Variants in TOGARAM1 observed in about 807,000 individuals in gnomAD.
TOGARAM1 encodes the protein TOG array regulator of axonemal microtubules protein 1.
Under a neutral mutation model 166.6 loss-of-function variants are expected in TOGARAM1, and 100 were observed. The observed-to-expected ratio is 0.60, with a 90% CI of 0.51 to 0.71. TOGARAM1 has a LOEUF of 0.71. Among genes scored for constraint, TOGARAM1 ranks in the 30% least tolerant of loss-of-function variants. TOGARAM1 has a pLI of 0.00. For synonymous variants in TOGARAM1, 758 were observed against 763.8 expected (o/e 0.99, Z 0.13); for missense variants, 2,029 against 2,102.7 (o/e 0.96, Z 0.69).
intron 16 of TOGARAM1, among the ~76,000 whole-genome samples, chr14:45,055,938 T>C (rs1414194719): frequency 6.6e-6 from 1 of 151,234 alleles, no homozygotes; most frequent in Non-Finnish European, 1.5e-5. Flanking sequence ...GGTATTTTGA[T>C]AGGGATTGCA....
chr14:45,014,203 G>T (rs943010421), intron 7 of TOGARAM1, among the ~76,000 whole-genome samples: 1 of 151,828 alleles, frequency 6.6e-6, no homozygotes, highest in Non-Finnish European at 1.5e-5. Context: ...CTGCCACTAC[G>T]CCTGGCTAAT....
At chr14:44,984,644 G>A (rs1019153489) in intron 1 of TOGARAM1, among the ~76,000 whole-genome samples, 1 of 151,550 alleles carries the variant, frequency 6.6e-6, no homozygotes, top group African/African-American at 2.4e-5. Flanking sequence ...GCGTGGTAGT[G>A]AGTGCCTGTA....
chr14:44,962,592 C>A lies in TOGARAM1; in HGVS notation c.171C>A (p.His57Gln), dbSNP rs1235578957. ...ACTTCCGTGGAGCTGCGGGGGACCA[C>A]GGTTCCTGCCCCACTACAACTTCGC... Reference protein sequence around the residue: ...NYYFRGAAGDHGSCPTTTSPL... With the variant: ...NYYFRGAAGDQGSCPTTTSPL... Residue 57 changes from histidine to glutamine, a missense_variant, in exon 1 of 20, where the codon CAC becomes CAA. Around this residue, in one of 2 missense-constraint regions of TOGARAM1, gnomAD observed 1,453 missense variants for 1,432.2 expected, o/e 1.01. Coordinates refer to ENST00000361462, the MANE Select transcript of TOGARAM1 (RefSeq NM_001308120.2). The A allele has an allele frequency of 1.2e-5, 20 of 1,613,618 alleles. No individual in the cohort carries two copies. The highest frequency in any genetic ancestry group is 1.7e-5 in the Non-Finnish European group (20 of 1,179,632).
chr14:45,030,496 CT>C (rs1170610937), intron 10 of TOGARAM1, among the ~76,000 whole-genome samples: 2 of 151,610 alleles, frequency 1.3e-5, no homozygotes, highest in Non-Finnish European at 1.5e-5. Context: ...GATAATAGTG[CT>C]TTTTTTTATT....
In TOGARAM1 at chr14:44,962,290, G is replaced by A; in HGVS notation, c.-132G>A. 5 of 1,182,554 alleles carry A rather than the reference G, an allele frequency of 4.2e-6. No homozygotes were observed. Among genetic ancestry groups the A allele is most frequent in the Non-Finnish European group, 4.5e-6 (4 of 887,270 alleles). The allele number at this position is 1,182,554 out of a possible 1,614,324, so 73.3% of individuals were successfully genotyped here. ...GCCTCCCGGAGTTGGGGGCGGCCTGGCGGCAGGCTGAAGCTGTTCTTTTGC... is the reference window on the plus strand; with the variant it reads ...GCCTCCCGGAGTTGGGGGCGGCCTGACGGCAGGCTGAAGCTGTTCTTTTGC... On this transcript the variant is annotated 5_prime_UTR_variant, in exon 1 of 20. Transcript: ENST00000361462.
At chr14:45,041,575 AAGAC>A (rs1341979001) in intron 11 of TOGARAM1, among the ~76,000 whole-genome samples, 1 of 152,204 alleles carries the variant, frequency 6.6e-6, no homozygotes, top group African/African-American at 2.4e-5. Context: ...AAACCATACA[AAGAC>A]AGGAAGACTA....
chr14:45,061,243 C>A lies in TOGARAM1; in HGVS notation c.4560-5335C>A, dbSNP rs899467603. Among the ~76,000 whole-genome samples, 3 of 152,326 alleles carry A rather than the reference C, an allele frequency of 2.0e-5. No individual in the cohort carries two copies. The East Asian group carries it at 5.8e-4, about 29-fold the overall frequency. ...CCATTATTTCCCTCTTCAAATGGTTCTAGCTTTAGGAGCTCCCTCGGGTTG... is the reference window on the plus strand; with the variant it reads ...CCATTATTTCCCTCTTCAAATGGTTATAGCTTTAGGAGCTCCCTCGGGTTG... On this transcript the variant is annotated intron_variant, in intron 16 of 19. Coordinates refer to ENST00000361462, the MANE Select transcript of TOGARAM1 (RefSeq NM_001308120.2).
At chr14:45,039,926 T>C (rs895985624) in intron 11 of TOGARAM1, among the ~76,000 whole-genome samples, 3 of 152,140 alleles carry the variant, frequency 2.0e-5, no homozygotes, top group African/African-American at 7.2e-5. Context: ...ACAGCTGGTG[T>C]CTTCACAGCA....
intron 11 of TOGARAM1, among the ~76,000 whole-genome samples, chr14:45,040,831 G>C (rs1365516078): frequency 6.6e-6 from 1 of 152,092 alleles, no homozygotes; most frequent in Non-Finnish European, 1.5e-5. Flanking sequence ...TTGAGGCCAG[G>C]AGTTCAAGAC....
In TOGARAM1 at chr14:45,004,299, A is replaced by G. The variant is rs769249015; in HGVS notation, c.2577A>G (p.Leu859=). The change falls in exon 4 of 20, where the codon CTA becomes CTG. Residue 859 remains leucine (L), a synonymous_variant. Coordinates refer to ENST00000361462, the MANE Select transcript of TOGARAM1 (RefSeq NM_001308120.2). ...NSWPLKSFEG[L]SKPSPQKKLV... ...GGCCTCTTAAAAGCTTCGAAGGACT[A>G]TCAAAGCCAAGTCCACAGAAGAAGC... is the stretch of plus-strand genomic sequence containing the variant. 47 of 1,614,012 alleles carry G rather than the reference A, an allele frequency of 2.9e-5. No individual in the cohort carries two copies. The highest frequency in any genetic ancestry group is 3.6e-5 in the Non-Finnish European group (42 of 1,180,006).
chr14:44,999,242 C>T, intron 2 of TOGARAM1, 121 bp from the exon 3 acceptor site: 1 of 974,628 alleles, frequency 1.0e-6, no homozygotes, highest in Non-Finnish European at 1.4e-6. Flanking sequence ...GCCTACCTCA[C>T]TGTACTTAAA....
At chr14:44,971,494 C>T (rs1430436521) in intron 1 of TOGARAM1, among the ~76,000 whole-genome samples, 5 of 151,968 alleles carry the variant, frequency 3.3e-5, no homozygotes, top group African/African-American at 4.8e-5. Context: ...TCCAAGAACC[C>T]GAGTTTGTTT....
chr14:45,009,899 A>G (rs550057430), intron 6 of TOGARAM1, among the ~76,000 whole-genome samples: 1 of 152,292 alleles, frequency 6.6e-6, no homozygotes, highest in African/African-American at 2.4e-5. Context: ...TAGGGCATAG[A>G]ATAGATGTAT....
intron 1 of TOGARAM1, among the ~76,000 whole-genome samples, chr14:44,979,836 A>G (rs775089477): frequency 9.9e-5 from 15 of 152,196 alleles, no homozygotes; most frequent in Non-Finnish European, 2.1e-4. Context: ...ACAGGAGCTA[A>G]GGCTTCAAAT....
rs779745803 is a variant in TOGARAM1, at chr14:44,963,353, T to C, written c.932T>C (p.Leu311Pro). Residue 311 changes from leucine (L) to proline (P), a missense_variant, in exon 1 of 20, where the codon CTG (leucine) becomes CCG (proline). Leu to Pro is a moderately conservative substitution (Grantham distance 98). Transcript: ENST00000361462. ...SALRRHYNRR[L>P]ESQFGSQVPY... ...CTGAGGAGACACTACAATCGCCGCCTGGAGTCCCAGTTTGGAAGTCAGGTT... is the reference window on the plus strand; with the variant it reads ...CTGAGGAGACACTACAATCGCCGCCCGGAGTCCCAGTTTGGAAGTCAGGTT... 6.2e-7 allele frequency: 1 copy of C among 1,614,200 alleles called. No individual in the cohort carries two copies. Among genetic ancestry groups the C allele is most frequent in the Non-Finnish European group, 8.5e-7 (1 of 1,180,028 alleles).
Position 45,071,712 on chromosome 14 carries a change from A to G in TOGARAM1, c.4970A>G (p.Asp1657Gly). 1.2e-6 allele frequency: 2 copies of G among 1,606,104 alleles called. No individual in the cohort carries two copies. The highest frequency in any genetic ancestry group is 2.2e-5 in the East Asian group (1 of 44,714). The stretch of plus-strand genomic sequence containing the variant: ...GTGTCTCTGTGTTCTTTTTGTTTAG[A>G]CAATTACTTACTTCTACAGCCATTT... Reference protein sequence around the residue: ...NVVQALSQHVDNYLLLQPFCT... With the variant: ...NVVQALSQHVGNYLLLQPFCT... The change falls in exon 19 of 20, where the codon GAC becomes GGC. Residue 1657 changes from aspartate to glycine, a missense_variant and splice_region_variant. Physicochemically the swap from Asp to Gly is moderately conservative, Grantham distance 94 (BLOSUM62 -1). This residue lies in a region of TOGARAM1 where 576 missense variants were observed against 670.5 expected (regional missense o/e 0.86). Coordinates refer to ENST00000361462, the MANE Select transcript of TOGARAM1 (RefSeq NM_001308120.2).
chr14:44,993,285 TCAAAAA>T (rs112989574), intron 1 of TOGARAM1, among the ~76,000 whole-genome samples: 23,489 of 150,162 alleles, frequency 0.16, 3,438 homozygotes, highest in African/African-American at 0.39. Flanking sequence ...AGAACCTGTC[TCAAAAA>T]CAAAAACAAA....
At chr14:45,064,160 T>A (rs1883034084) in intron 16 of TOGARAM1, among the ~76,000 whole-genome samples, 1 of 152,184 alleles carries the variant, frequency 6.6e-6, no homozygotes, top group South Asian at 2.1e-4. Flanking sequence ...TGTTCTCCCT[T>A]ATTGTAGTAG....
intron 6 of TOGARAM1, 56 bp from the exon 7 acceptor site, chr14:45,011,919 A>G: frequency 8.6e-7 from 1 of 1,165,728 alleles, no homozygotes; most frequent in Non-Finnish European, 1.2e-6. Flanking sequence ...ATGTGATGTG[A>G]GTATTGAACA....
Sources: gnomAD v4.1 joint callset for allele counts (sites outside exome capture counted in the v4.1 genomes callset) on GRCh38, gnomAD v4.1.1 for gene constraint, gnomAD v4.1.1 regional missense constraint, MANE v1.5 for transcripts, NCBI Gene and HGNC (gene_info 2026-07-23, HGNC 2026-07-21) for gene names.